Variants in EYA2 observed in about 807,000 individuals in gnomAD.
The protein encoded by EYA2 is EYA transcriptional coactivator and phosphatase 2.
Under a neutral mutation model 69.2 loss-of-function variants are expected in EYA2, and 31 were observed. The observed-to-expected ratio is 0.45, with a 90% CI of 0.34 to 0.60. The LOEUF is 0.60. EYA2 is among the 20% of genes least tolerant of loss of function. The pLI is 0.02. For synonymous variants in EYA2, 257 were observed against 279.4 expected (o/e 0.92, Z 0.80); for missense variants, 622 against 701.2 (o/e 0.89, Z 1.28).
intron 9 of EYA2, among the ~76,000 whole-genome samples, chr20:47,121,746 C>T (rs568018850): frequency 1.3e-5 from 2 of 152,272 alleles, no homozygotes; most frequent in Admixed American, 1.3e-4. Context: ...AACCTGCAAG[C>T]TAAACATAGT....
chr20:47,059,800 G>A (rs1327370576), intron 5 of EYA2, among the ~76,000 whole-genome samples: 1 of 152,144 alleles, frequency 6.6e-6, no homozygotes, highest in Admixed American at 6.5e-5. Context: ...AGGCTCATCC[G>A]ATTCTCCATC....
At chr20:47,042,066 C>T (rs1018843873) in intron 5 of EYA2, among the ~76,000 whole-genome samples, 3 of 152,104 alleles carry the variant, frequency 2.0e-5, no homozygotes, top group Non-Finnish European at 4.4e-5. Flanking sequence ...TCTGAAGACA[C>T]AAAGAGATTA....
intron 5 of EYA2, among the ~76,000 whole-genome samples, chr20:47,027,721 C>T (rs1229404506): frequency 6.6e-6 from 1 of 152,222 alleles, no homozygotes; most frequent in Non-Finnish European, 1.5e-5. Context: ...TGCTGTCCAA[C>T]AGACCCTTCT....
Position 47,137,579 on chromosome 20 carries a change from G to C in EYA2, c.889-5480G>C, listed in dbSNP as rs552751855. ...GGGTCAGACAGAGGGTTGCCTCCAA[G>C]CTGTCCTCTGTGACTAAAGTCAAGA... On this transcript the variant is annotated intron_variant, in intron 9 of 15. Transcript: ENST00000327619. Among the ~76,000 whole-genome samples, 8 of 152,304 alleles carry C rather than the reference G, an allele frequency of 5.3e-5. 1 individual carries two copies. In the South Asian group the frequency reaches 1.7e-3, roughly 32 times the overall value.
chr20:47,072,101 G>A, intron 5 of EYA2, 84 bp from the exon 6 acceptor site: 1 of 1,215,676 alleles, frequency 8.2e-7, no homozygotes, highest in Non-Finnish European at 1.2e-6. Flanking sequence ...CACATGGAGG[G>A]AGGTTCATGA....
At chr20:47,005,701 G>A (rs1393967815) in intron 4 of EYA2, among the ~76,000 whole-genome samples, 7 of 152,228 alleles carry the variant, frequency 4.6e-5, no homozygotes, top group Admixed American at 4.6e-4. Flanking sequence ...GGAAAACAGA[G>A]TGGTAGTATC....
chr20:46,900,150 A>G (rs1424101305), intron 1 of EYA2, among the ~76,000 whole-genome samples: 2 of 152,144 alleles, frequency 1.3e-5, no homozygotes, highest in South Asian at 2.1e-4. Flanking sequence ...CCCAGATGTA[A>G]TAGATACGAA....
intron 7 of EYA2, among the ~76,000 whole-genome samples, chr20:47,077,005 GA>G (rs1436908958): frequency 2.6e-5 from 4 of 152,206 alleles, no homozygotes; most frequent in African/African-American, 9.7e-5. Flanking sequence ...GGAATGCTGG[GA>G]TGAAGCAGCA....
At chr20:47,084,110 G>T (rs1472931528) in intron 7 of EYA2, among the ~76,000 whole-genome samples, 2 of 152,204 alleles carry the variant, frequency 1.3e-5, no homozygotes, top group African/African-American at 4.8e-5. Context: ...GCTGGGTGTG[G>T]TGGCATGTGC....
intron 1 of EYA2, among the ~76,000 whole-genome samples, chr20:46,926,895 C>T (rs1462399212): frequency 6.6e-6 from 1 of 152,228 alleles, no homozygotes; most frequent in East Asian, 1.9e-4. Flanking sequence ...TCCTGGGTTC[C>T]TTTTCCTCTG....
At chr20:47,091,692 C>A (rs1271681807) in intron 8 of EYA2, among the ~76,000 whole-genome samples, 1 of 151,892 alleles carries the variant, frequency 6.6e-6, no homozygotes, top group Non-Finnish European at 1.5e-5. Flanking sequence ...CTGCGTTGAG[C>A]CATGACCACA....
intron 8 of EYA2, among the ~76,000 whole-genome samples, chr20:47,095,295 C>G (rs2032215417): frequency 6.6e-6 from 1 of 151,524 alleles, no homozygotes; most frequent in African/African-American, 2.4e-5. Context: ...GAACACAGAT[C>G]AAAAAGACAG....
intron 5 of EYA2, among the ~76,000 whole-genome samples, chr20:47,041,097 C>G (rs1008544146): frequency 6.6e-6 from 1 of 152,148 alleles, no homozygotes; most frequent in Non-Finnish European, 1.5e-5. Context: ...GGGTGCAGCC[C>G]CCAGGTCCCT....
chr20:47,163,698 CAAAAAAAAAA>C (rs11471495), intron 10 of EYA2, among the ~76,000 whole-genome samples: 11 of 85,536 alleles, frequency 1.3e-4, no homozygotes, highest in Admixed American at 3.1e-4. Context: ...AACACTGTCT[CAAAAAAAAAA>C]AAAAAAAAAA....
intron 10 of EYA2, chr20:47,161,427 GC>G (rs1600756849): frequency 2.4e-6 from 1 of 418,106 alleles, no homozygotes; most frequent in Non-Finnish European, 4.6e-6. Context: ...CTTGAGAGAA[GC>G]CCCCAGGAAA....
At chr20:47,039,513 G>A (rs541433693) in intron 5 of EYA2, among the ~76,000 whole-genome samples, 3 of 152,066 alleles carry the variant, frequency 2.0e-5, no homozygotes, top group East Asian at 1.9e-4. Context: ...ATGTTTTCCC[G>A]TCCCCTGATC....
intron 1 of EYA2, among the ~76,000 whole-genome samples, chr20:46,962,568 TCTC>T (rs2146289510): frequency 6.6e-6 from 1 of 152,266 alleles, no homozygotes; most frequent in South Asian, 2.1e-4. Flanking sequence ...TAAGTTGCTT[TCTC>T]CTCAGTCTAC....
intron 1 of EYA2, among the ~76,000 whole-genome samples, chr20:46,928,218 G>A (rs930984736): frequency 6.6e-6 from 1 of 152,156 alleles, no homozygotes. Flanking sequence ...TCATCACTGT[G>A]TTCAGTGAGT....
intron 5 of EYA2, among the ~76,000 whole-genome samples, chr20:47,043,615 G>A (rs915318037): frequency 2.6e-5 from 4 of 152,178 alleles, no homozygotes; most frequent in African/African-American, 7.2e-5. Flanking sequence ...GGGTAGCCTT[G>A]GACAAGTTTC....
Sources: gnomAD v4.1 joint callset for allele counts (sites outside exome capture counted in the v4.1 genomes callset) on GRCh38, gnomAD v4.1.1 for gene constraint, MANE v1.5 for transcripts, NCBI Gene and HGNC (gene_info 2026-07-23, HGNC 2026-07-21) for gene names.